The following LRRC23 variants were observed in gnomAD, a reference collection of about 807,000 sequenced individuals.
LRRC23 encodes leucine-rich repeat-containing protein 23.
LRRC23 carries 28 observed loss-of-function variants against 37.7 expected under a neutral mutation model. The observed-to-expected ratio is 0.74, with a 90% CI of 0.55 to 1.02. The LOEUF is 1.02. Ranked by LOEUF, LRRC23 falls within the 50% of genes least tolerant of loss-of-function variation. The pLI is 0.00. For missense variants in LRRC23, 377 were observed against 413.2 expected (o/e 0.91, Z 0.76); for synonymous variants, 161 against 165.4 (o/e 0.97, Z 0.20).
chr12:6,908,150 C>T (rs985303363), intron 5 of LRRC23, among the ~76,000 whole-genome samples: 2 of 152,160 alleles, frequency 1.3e-5, no homozygotes, highest in Non-Finnish European at 2.9e-5. Context: ...GCTCCATGCC[C>T]TTCCCAGATG....
chr12:6,909,364 ATATATAATATATTT>A (rs1460181530), intron 5 of LRRC23, among the ~76,000 whole-genome samples: 7 of 38,616 alleles, frequency 1.8e-4, no homozygotes, highest in Admixed American at 8.6e-4. Context: ...ATAGTATATT[ATATATAATATATTT>A]TATATAATAT....
rs1945259510 is a variant in LRRC23 at position 6,914,118 on chromosome 12, G to T, written c.*252G>T. 2 of 1,501,162 alleles carry T rather than the reference G, an allele frequency of 1.3e-6. No homozygotes were observed. Among genetic ancestry groups the T allele is most frequent in the East Asian group, 2.4e-5 (1 of 42,272 alleles). 93.0% of individuals were successfully genotyped at this position (1,501,162 alleles called of 1,614,324 possible). A position where few individuals can be genotyped will look rare whatever the true frequency, so the allele number is the denominator to read the frequency against. ...TAGGCCGGGGGCCGCCCTCGGGCAG[G>T]CGTGGGTGAGAGCCAAGACCGCGTG... On this transcript the variant is annotated 3_prime_UTR_variant, in exon 8 of 8. Transcript: ENST00000443597. The surrounding 1 kb of genome is among the most constrained non-coding windows in gnomAD (Gnocchi z 7.1).
chr12:6,908,622 C>A (rs56972729), intron 5 of LRRC23, among the ~76,000 whole-genome samples: 9,594 of 65,096 alleles, frequency 0.15, 1,477 homozygotes, highest in African/African-American at 0.48. Flanking sequence ...AAAAAAAAAC[C>A]AAAGAAAAAC....
intron 6 of LRRC23, among the ~76,000 whole-genome samples, chr12:6,910,448 C>A (rs1555140568): frequency 6.6e-6 from 1 of 152,078 alleles, no homozygotes; most frequent in African/African-American, 2.4e-5. Context: ...GTGGCTCACA[C>A]CTGTAGTTCT....
At chr12:6,910,087 CTG>C (rs2138160522) in intron 6 of LRRC23, 61 bp downstream of exon 6, 1 of 1,503,856 alleles carries the variant, frequency 6.6e-7, no homozygotes, top group South Asian at 1.3e-5. Flanking sequence ...GCTTTTGAGT[CTG>C]TGTTCTTCCC....
rs1555139764 is a variant in LRRC23, at chr12:6,907,333, T to A, written c.509T>A (p.Val170Glu). 4 of 1,613,958 alleles carry A rather than the reference T, an allele frequency of 2.5e-6. No individual in the cohort carries two copies. Among genetic ancestry groups the A allele is most frequent in the Non-Finnish European group, 3.4e-6 (4 of 1,179,978 alleles). The change falls in exon 5 of 8, where the codon GTG becomes GAG. Residue 170 changes from valine to glutamate, a missense_variant. Coordinates refer to ENST00000443597, the MANE Select transcript of LRRC23 (RefSeq NM_001135217.2). ...TCCCCAGGGAACAGCATCCACATGG[T>A]GACAGGTCTGGACCCCGAGAAGTTG... is the stretch of plus-strand genomic sequence containing the variant. ...LNLKGNSIHM[V>E]TGLDPEKLIS...
rs781822859 is a variant in LRRC23, at chr12:6,913,866, A to G, written c.*25-25A>G. Reference sequence around the variant, plus strand: ...GGGTGAGCCACAGCGCCTGGTCCCTATTTACTTCTGTCTTCTACCTCCAGG... The same window carrying G: ...GGGTGAGCCACAGCGCCTGGTCCCTGTTTACTTCTGTCTTCTACCTCCAGG... On this transcript the variant is annotated intron_variant, in intron 7 of 7. Coordinates refer to ENST00000443597, the MANE Select transcript of LRRC23 (RefSeq NM_001135217.2). The G allele has an allele frequency of 2.0e-6, 3 of 1,536,270 alleles. No homozygotes were observed. In the South Asian group the frequency reaches 3.8e-5, roughly 19 times the overall value.
intron 6 of LRRC23, among the ~76,000 whole-genome samples, 176 bp downstream of exon 6, chr12:6,910,202 T>C (rs1945125605): frequency 1.3e-5 from 2 of 152,162 alleles, no homozygotes; most frequent in Admixed American, 6.6e-5. Context: ...CCCTTATAGC[T>C]TGTGACCCCT....
chr12:6,914,165 G>A lies in LRRC23; in HGVS notation c.*299G>A. 1 of 1,249,942 alleles carries A rather than the reference G, an allele frequency of 8.0e-7. No homozygotes were observed. The highest frequency in any genetic ancestry group is 1.6e-5 in the South Asian group (1 of 63,616). The allele number at this position is 1,249,942 out of a possible 1,614,324, so 77.4% of individuals were successfully genotyped here. Reference sequence around the variant, plus strand: ...CGTGGGCCGCGGGGTGCTGGTAGGAGTGGTTGGAGAGACTTGCGAAGGCGG... The same window carrying A: ...CGTGGGCCGCGGGGTGCTGGTAGGAATGGTTGGAGAGACTTGCGAAGGCGG... On this transcript the variant is annotated 3_prime_UTR_variant, in exon 8 of 8. Coordinates refer to ENST00000443597, the MANE Select transcript of LRRC23 (RefSeq NM_001135217.2). The surrounding 1 kb of genome is among the most constrained non-coding windows in gnomAD (Gnocchi z 7.1).
intron 1 of LRRC23, 134 bp downstream of exon 1, chr12:6,905,209 C>G (rs1169402705): frequency 5.5e-6 from 1 of 182,554 alleles, no homozygotes; most frequent in Non-Finnish European, 1.2e-5. Context: ...GCAGGGATTA[C>G]GGATGGCGCA....
At chr12:6,906,039 T>A (rs1944936404) in intron 3 of LRRC23, 85 bp downstream of exon 3, 1 of 1,233,650 alleles carries the variant, frequency 8.1e-7, no homozygotes, top group Non-Finnish European at 1.2e-6. Flanking sequence ...GTGTTCTGGT[T>A]GAGAGTTTGA....
At chr12:6,913,551 G>GTT (rs1248085636) in intron 7 of LRRC23, among the ~76,000 whole-genome samples, 3,365 of 77,958 alleles carry the variant, frequency 0.043, 683 homozygotes, top group Middle Eastern at 0.073. Context: ...ATTTACCTCT[G>GTT]TTTGTTTTTT....
intron 1 of LRRC23, 65 bp from the exon 2 acceptor site, chr12:6,905,520 G>A: frequency 1.0e-6 from 1 of 987,538 alleles, no homozygotes; most frequent in South Asian, 1.4e-5. Context: ...TGATGGGAGT[G>A]GCACGTGTCA....
chr12:6,908,349 C>T (rs1555139978), intron 5 of LRRC23, among the ~76,000 whole-genome samples: 1 of 152,068 alleles, frequency 6.6e-6, no homozygotes, highest in Non-Finnish European at 1.5e-5. Flanking sequence ...GTAATCCCAG[C>T]ACTTTGGGAG....
intron 6 of LRRC23, among the ~76,000 whole-genome samples, chr12:6,911,651 C>T (rs1226491513): frequency 2.0e-5 from 3 of 152,102 alleles, no homozygotes; most frequent in African/African-American, 2.4e-5. Context: ...AGGCTCAGCA[C>T]GACCATGAGA....
intron 6 of LRRC23, among the ~76,000 whole-genome samples, chr12:6,910,798 T>C (rs1174754435): frequency 6.6e-6 from 1 of 151,874 alleles, no homozygotes; most frequent in Non-Finnish European, 1.5e-5. Flanking sequence ...ACACCTGTGG[T>C]TTCAGCTACT....
In LRRC23 at chr12:6,914,048, T is replaced by C. The variant is rs1565556832; in HGVS notation, c.*182T>C. 6.2e-7 allele frequency: 1 copy of C among 1,601,240 alleles called. No homozygotes were observed. The highest frequency in any genetic ancestry group is 8.5e-7 in the Non-Finnish European group (1 of 1,174,690). On this transcript the variant is annotated 3_prime_UTR_variant, in exon 8 of 8. Coordinates refer to ENST00000443597, the MANE Select transcript of LRRC23 (RefSeq NM_001135217.2). This position sits in a 1 kb window ranked among gnomAD's most constrained non-coding sequence, Gnocchi z 7.1. ...CTCTGTGCCGGTCCTCTGGGCAGTGTGGGGTGCAGAATGGGGTGCCTAGGC... is the reference window on the plus strand; with the variant it reads ...CTCTGTGCCGGTCCTCTGGGCAGTGCGGGGTGCAGAATGGGGTGCCTAGGC...
At position 6,914,178 on chromosome 12, in the gene LRRC23, C is replaced by T; in HGVS notation, c.*312C>T. Reference sequence around the variant, plus strand: ...GTGCTGGTAGGAGTGGTTGGAGAGACTTGCGAAGGCGGCTGGGGTGTTCGG... The same window carrying T: ...GTGCTGGTAGGAGTGGTTGGAGAGATTTGCGAAGGCGGCTGGGGTGTTCGG... On this transcript the variant is annotated 3_prime_UTR_variant, in exon 8 of 8. Transcript: ENST00000443597. This position sits in a 1 kb window ranked among gnomAD's most constrained non-coding sequence, Gnocchi z 7.1. The T allele has an allele frequency of 9.8e-7, 1 of 1,024,336 alleles. No homozygotes were observed. Among genetic ancestry groups the T allele is most frequent in the South Asian group, 1.7e-5 (1 of 57,950 alleles). 63.5% of individuals were successfully genotyped at this position (1,024,336 alleles called of 1,614,324 possible).
intron 6 of LRRC23, among the ~76,000 whole-genome samples, chr12:6,910,683 G>C (rs1555140600): frequency 6.6e-6 from 1 of 152,036 alleles, no homozygotes; most frequent in East Asian, 1.9e-4. Context: ...ACTCCAGCCT[G>C]GGTGACAGAG....
Sources: gnomAD v4.1 joint callset for allele counts (sites outside exome capture counted in the v4.1 genomes callset) on GRCh38, gnomAD v4.1.1 for gene constraint, Gnocchi (gnomAD v3.1) non-coding constraint, MANE v1.5 for transcripts, NCBI Gene and HGNC (gene_info 2026-07-23, HGNC 2026-07-21) for gene names.